The following NDRG1 variants were observed in gnomAD, a reference collection of about 807,000 sequenced individuals.
NDRG1 encodes protein NDRG1.
A neutral mutation model predicts 56.9 loss-of-function variants in NDRG1; 32 were observed. That is an observed-to-expected ratio of 0.56 (90% CI 0.42 to 0.76). NDRG1 has a LOEUF of 0.76. NDRG1 is among the 30% of genes least tolerant of loss of function. The pLI is 0.00. For synonymous variants in NDRG1, 211 were observed against 204.1 expected, an observed-to-expected ratio of 1.03 and a Z score of -0.29; for missense variants, 507 against 545.7, an observed-to-expected ratio of 0.93 and a Z score of 0.71.
intron 3 of NDRG1, chr8:133,265,056 C>T (rs965471761): frequency 3.5e-6 from 1 of 288,480 alleles, no homozygotes; most frequent in African/African-American, 2.2e-5. Flanking sequence ...TGGCTTGGGG[C>T]TACACAGAAT....
In NDRG1 at chr8:133,264,654, TGAG is replaced by T; in HGVS notation, c.100-5_100-3del. ...ATGTAAAGTCTCGATGTCCTGCTCCTGAGGAGACACAGCAGACAGTGGGCTGGT... is the reference window on the plus strand; with the variant it reads ...ATGTAAAGTCTCGATGTCCTGCTCCTGAGACACAGCAGACAGTGGGCTGGT... On this transcript the variant is annotated splice_polypyrimidine_tract_variant and splice_region_variant and intron_variant, in intron 3 of 15. Transcript: ENST00000323851. The T allele has an allele frequency of 6.2e-7, 1 of 1,613,778 alleles. No individual in the cohort carries two copies. The highest frequency in any genetic ancestry group is 8.5e-7 in the Non-Finnish European group (1 of 1,179,630).
rs5895183 is a variant in NDRG1, at chr8:133,287,936, TGCACACACGC to T, written c.-18-3617_-18-3608del. ...ATTCTTATTTAATCTAGTGCATGCG[TGCACACACGC>T]ACACACACACACACACACTCTCAAA... On this transcript the variant is annotated intron_variant, in intron 1 of 15. Coordinates refer to ENST00000323851, the MANE Select transcript of NDRG1 (RefSeq NM_006096.4). Among the ~76,000 whole-genome samples the T allele has an allele frequency of 4.3e-3, 631 of 147,102 alleles. 2 individuals carry two copies. Among genetic ancestry groups the T allele is most frequent in the Non-Finnish European group, 7.0e-3 (473 of 67,672 alleles).
chr8:133,257,071 G>A (rs1856415390), intron 7 of NDRG1, among the ~76,000 whole-genome samples: 2 of 152,216 alleles, frequency 1.3e-5, no homozygotes, highest in South Asian at 4.1e-4. Context: ...GTGGGAAGGA[G>A]AAAGAGGAAG....
At chr8:133,278,169 T>G (rs1042939918) in intron 3 of NDRG1, among the ~76,000 whole-genome samples, 2 of 152,190 alleles carry the variant, frequency 1.3e-5, no homozygotes, top group African/African-American at 4.8e-5. Context: ...CCCCTGGGGC[T>G]AACTTCCAGC....
chr8:133,237,253 A>T lies in NDRG1; in HGVS notation c.*1625T>A, dbSNP rs1855103602. ...AACTCCTCTGGAAAGACTTGTGCAC[A>T]ATAGTTTCCCATCCGTACTCAGCCT... On this transcript the variant is annotated 3_prime_UTR_variant, in exon 16 of 16. Coordinates refer to ENST00000323851, the MANE Select transcript of NDRG1 (RefSeq NM_006096.4). 1 of 229,420 alleles carries T rather than the reference A, an allele frequency of 4.4e-6. No homozygotes were observed. Among genetic ancestry groups the T allele is most frequent in the Admixed American group, 5.7e-5 (1 of 17,642 alleles). The allele number at this position is 229,420 out of a possible 1,614,324, so 14.2% of individuals were successfully genotyped here.
chr8:133,277,819 T>C (rs1857542225), intron 3 of NDRG1, among the ~76,000 whole-genome samples: 1 of 152,136 alleles, frequency 6.6e-6, no homozygotes, highest in Admixed American at 6.5e-5. Context: ...CCCTTGTCAG[T>C]GTCCTCTCTC....
intron 7 of NDRG1, among the ~76,000 whole-genome samples, chr8:133,257,282 TACACACACACACAC>T (rs58312135): frequency 6.0e-4 from 88 of 146,790 alleles, no homozygotes; most frequent in Non-Finnish European, 1.1e-3. Context: ...AACACATGCA[TACACACACACACAC>T]ACACACACAC....
At chr8:133,261,991 C>T (rs552408272) in intron 5 of NDRG1, 56 bp downstream of exon 5, 3 of 1,535,826 alleles carry the variant, frequency 2.0e-6, no homozygotes, top group East Asian at 4.6e-5. Flanking sequence ...CACCTGAACC[C>T]CTCCCCGACA....
Position 133,241,929 on chromosome 8 carries a change from C to T in NDRG1, c.943+94G>A, listed in dbSNP as rs4483138. 6,928 of 1,438,950 alleles carry T rather than the reference C, an allele frequency of 4.8e-3. 207 individuals are homozygous for T. In the African/African-American group the frequency reaches 0.063, roughly 13 times the overall value. The allele number at this position is 1,438,950 out of a possible 1,614,324, so 89.1% of individuals were successfully genotyped here. A position where few individuals can be genotyped will look rare whatever the true frequency, so the allele number is the denominator to read the frequency against. ...AGAAAGCTGAAGCTGGCCAGGGGGA[C>T]ACAGAATTGCTCATCCAAACCTGGC... On this transcript the variant is annotated intron_variant, in intron 15 of 15. Coordinates refer to ENST00000323851, the MANE Select transcript of NDRG1 (RefSeq NM_006096.4).
Position 133,238,460 on chromosome 8 carries a change from C to A in NDRG1, c.*418G>T. 3.7e-6 allele frequency: 1 copy of A among 267,326 alleles called. No individual in the cohort carries two copies. The highest frequency in any genetic ancestry group is 2.1e-5 in the African/African-American group (1 of 46,540). 16.6% of individuals were successfully genotyped at this position (267,326 alleles called of 1,614,324 possible). ...TCCGGAAACTGGATCAGCTTCTCCT[C>A]AGTTAAAGAGGAAACGGGAAGTGGG... is the stretch of plus-strand genomic sequence containing the variant. On this transcript the variant is annotated 3_prime_UTR_variant, in exon 16 of 16. Transcript: ENST00000323851.
chr8:133,251,803 G>C (rs561588460), intron 9 of NDRG1, among the ~76,000 whole-genome samples: 2 of 152,200 alleles, frequency 1.3e-5, no homozygotes, highest in African/African-American at 2.4e-5. Context: ...ATTAATTAAG[G>C]ATCTTGAGAT....
At chr8:133,284,828 G>C in intron 1 of NDRG1, 1 of 456,876 alleles carries the variant, frequency 2.2e-6, no homozygotes, top group Non-Finnish European at 4.4e-6. Flanking sequence ...CAGACGCACA[G>C]ACACACAGGC....
At chr8:133,249,757 T>C (rs1360867694) in intron 10 of NDRG1, among the ~76,000 whole-genome samples, 3 of 152,230 alleles carry the variant, frequency 2.0e-5, no homozygotes, top group Non-Finnish European at 2.9e-5. Flanking sequence ...AGGAGGCAGA[T>C]ACTAAGCTCT....
chr8:133,292,778 T>C (rs968461277), intron 1 of NDRG1, among the ~76,000 whole-genome samples: 48 of 152,272 alleles, frequency 3.2e-4, no homozygotes, highest in African/African-American at 1.1e-3. Flanking sequence ...TTAAAATGTA[T>C]AGCTGCAGAA....
chr8:133,251,136 C>T (rs1470181104), intron 9 of NDRG1, among the ~76,000 whole-genome samples: 2 of 152,234 alleles, frequency 1.3e-5, no homozygotes, highest in African/African-American at 4.8e-5. Flanking sequence ...GCAACTCCCA[C>T]CACGGCCAAC....
intron 14 of NDRG1, among the ~76,000 whole-genome samples, chr8:133,243,538 C>T (rs193174444): frequency 1.6e-4 from 24 of 152,292 alleles, no homozygotes; most frequent in African/African-American, 4.8e-4. Context: ...GGCATGAGGA[C>T]GACAGTGTCA....
intron 11 of NDRG1, among the ~76,000 whole-genome samples, chr8:133,248,150 T>C (rs1207792489): frequency 6.6e-6 from 1 of 152,258 alleles, no homozygotes; most frequent in East Asian, 1.9e-4. Flanking sequence ...TGTGACTCAG[T>C]GCTTTTGTTT....
chr8:133,256,461 G>A (rs956901727), intron 8 of NDRG1, among the ~76,000 whole-genome samples: 1 of 152,094 alleles, frequency 6.6e-6, no homozygotes, highest in African/African-American at 2.4e-5. Context: ...CTTGACCAAA[G>A]CCTGGCACAA....
chr8:133,245,515 G>A (rs757405751), intron 13 of NDRG1, among the ~76,000 whole-genome samples: 5 of 152,076 alleles, frequency 3.3e-5, no homozygotes, highest in Admixed American at 6.6e-5. Flanking sequence ...AGATACAATC[G>A]GGAGAGTGCT....
Sources: allele counts gnomAD v4.1 joint callset (sites outside exome capture counted in the v4.1 genomes callset), GRCh38; gene constraint gnomAD v4.1.1; transcripts MANE v1.5; gene names NCBI Gene and HGNC (gene_info 2026-07-23, HGNC 2026-07-21).